Variants in MSANTD2 observed in about 807,000 individuals in gnomAD.
The protein encoded by MSANTD2 is myb/SANT-like DNA-binding domain-containing protein 2.
Under a neutral mutation model 52.6 loss-of-function variants are expected in MSANTD2, and 19 were observed. That is an observed-to-expected ratio of 0.36 (90% CI 0.25 to 0.53). The LOEUF is 0.53. Among genes scored for constraint, MSANTD2 ranks in the 20% least tolerant of loss-of-function variants. The pLI, the probability that MSANTD2 is intolerant of heterozygous loss-of-function variation, is 0.91. For missense variants in MSANTD2, 558 were observed against 716.3 expected, an observed-to-expected ratio of 0.78 and a Z score of 2.52; for synonymous variants, 291 against 289.7, an observed-to-expected ratio of 1.00 and a Z score of -0.04.
chr11:124,787,367 G>A (rs7930110), intron 1 of MSANTD2, among the ~76,000 whole-genome samples: 5,255 of 152,232 alleles, frequency 0.035, 316 homozygotes, highest in African/African-American at 0.12. Flanking sequence ...ATCATTAAAC[G>A]AATGCCAACT....
chr11:124,798,983 A>G (rs1945587453), intron 1 of MSANTD2, among the ~76,000 whole-genome samples: 2 of 152,236 alleles, frequency 1.3e-5, no homozygotes, highest in South Asian at 4.1e-4. Flanking sequence ...GCCTAGAGTC[A>G]GTTCTAGTAG....
chr11:124,792,094 TC>T (rs1237412141), intron 1 of MSANTD2: 1 of 153,820 alleles, frequency 6.5e-6, no homozygotes, highest in African/African-American at 2.4e-5. Flanking sequence ...TATTTCTTCT[TC>T]CTGTGAGTTG....
chr11:124,799,298 T>G (rs112415761), intron 1 of MSANTD2, among the ~76,000 whole-genome samples: 3 of 152,350 alleles, frequency 2.0e-5, no homozygotes, highest in African/African-American at 7.2e-5. Flanking sequence ...ATCAAGCCTT[T>G]CCAATTCTCC....
intron 1 of MSANTD2, among the ~76,000 whole-genome samples, chr11:124,781,869 T>A (rs1591459625): frequency 6.6e-6 from 1 of 152,058 alleles, no homozygotes; most frequent in Non-Finnish European, 1.5e-5. Flanking sequence ...GCCAGGCTGG[T>A]CTCAAACTCC....
chr11:124,799,879 G>A lies in MSANTD2; in HGVS notation c.502C>T (p.Arg168Cys). The A allele has an allele frequency of 1.3e-6, 2 of 1,577,914 alleles. No homozygotes were observed. Among genetic ancestry groups the A allele is most frequent in the Non-Finnish European group, 1.7e-6 (2 of 1,170,498 alleles). Residue 168 changes from arginine to cysteine, a missense_variant, in exon 1 of 4, where the codon CGC becomes TGC. This residue lies in a region of MSANTD2 where 408 missense variants were observed against 573.6 expected (regional missense o/e 0.71). Coordinates refer to ENST00000374979, the MANE Select transcript of MSANTD2 (RefSeq NM_001308027.2). ...YERTPSQCRE[R>C]IKTLRRCYSR... Reference sequence around the variant, plus strand: ...GCCGGGCGGCCGGTTACCTTGATGCGCTCCCGGCACTGGGACGGGGTCCGC... The same window carrying A: ...GCCGGGCGGCCGGTTACCTTGATGCACTCCCGGCACTGGGACGGGGTCCGC...
intron 1 of MSANTD2, among the ~76,000 whole-genome samples, chr11:124,797,290 G>T (rs1397606728): frequency 6.6e-6 from 1 of 152,156 alleles, no homozygotes; most frequent in Non-Finnish European, 1.5e-5. Flanking sequence ...TTTGAGACCA[G>T]TCTAGGCAAC....
chr11:124,788,834 A>G (rs1244200429), intron 1 of MSANTD2, among the ~76,000 whole-genome samples: 1 of 152,260 alleles, frequency 6.6e-6, no homozygotes, highest in African/African-American at 2.4e-5. Context: ...TAACAATAGC[A>G]AATGAATTTC....
At chr11:124,789,766 G>A (rs967738117) in intron 1 of MSANTD2, 22 of 152,282 alleles carry the variant, frequency 1.4e-4, no homozygotes, top group African/African-American at 5.1e-4. Context: ...GGAGGGGAGG[G>A]GAACTCTGCA....
In MSANTD2 at chr11:124,798,252, AAAAAAAAAT is replaced by A. The variant is rs1408166448; in HGVS notation, c.510+1610_510+1618del. Among the ~76,000 whole-genome samples the A allele has an allele frequency of 9.4e-4, 119 of 126,386 alleles. 2 individuals are homozygous for A. Among genetic ancestry groups the A allele is most frequent in the African/African-American group, 3.1e-3 (108 of 35,230 alleles). 82.9% of individuals were successfully genotyped at this position (126,386 alleles called of 152,430 possible). On this transcript the variant is annotated intron_variant, in intron 1 of 3. Coordinates refer to ENST00000374979, the MANE Select transcript of MSANTD2 (RefSeq NM_001308027.2). The stretch of plus-strand genomic sequence containing the variant: ...TGTCTCTTAAAAAAAAAAAAAAAAA[AAAAAAAAAT>A]TTAATGAGCCAGGTGTGGTGGGGCA...
At position 124,800,111 on chromosome 11, in the gene MSANTD2, C is replaced by CCCGCCACCG. The variant is rs775526671; in HGVS notation, c.261_269dup (p.Gly88_Gly90dup). ...AGGCGGCGGCGGCGGCTGCCGCAGC[C>CCCGCCACCG]CCGCCACCGCCGCCACCAGGGGAGA... On this transcript the variant is annotated inframe_insertion, in exon 1 of 4. Transcript: ENST00000374979. This position sits in a 1 kb window ranked among gnomAD's most constrained non-coding sequence, Gnocchi z 4.3. 1 of 1,483,108 alleles carries CCCGCCACCG rather than the reference C, an allele frequency of 6.7e-7. No individual in the cohort carries two copies. Among genetic ancestry groups the CCCGCCACCG allele is most frequent in the South Asian group, 1.3e-5 (1 of 78,062 alleles). The allele number at this position is 1,483,108 out of a possible 1,614,324, so 91.9% of individuals were successfully genotyped here.
At chr11:124,799,765 G>A (rs961796403) in intron 1 of MSANTD2, 106 bp downstream of exon 1, 3 of 751,690 alleles carry the variant, frequency 4.0e-6, no homozygotes, top group Non-Finnish European at 2.0e-6. Context: ...CGCCCACCGG[G>A]CCCCGGAGGA....
intron 3 of MSANTD2, among the ~76,000 whole-genome samples, chr11:124,771,489 GC>G (rs1944518323): frequency 6.6e-6 from 1 of 152,186 alleles, no homozygotes; most frequent in African/African-American, 2.4e-5. Flanking sequence ...AACTAATGTG[GC>G]CGGACACTGT....
intron 1 of MSANTD2, among the ~76,000 whole-genome samples, chr11:124,781,552 AG>A (rs1182808089): frequency 2.0e-5 from 3 of 152,216 alleles, no homozygotes; most frequent in African/African-American, 7.2e-5. Flanking sequence ...AGGGTCTCAC[AG>A]GAATAGGCAA....
At chr11:124,783,663 T>C (rs1945061468) in intron 1 of MSANTD2, 1 of 901,824 alleles carries the variant, frequency 1.1e-6, no homozygotes, top group East Asian at 1.2e-4. Context: ...AACAAAACTT[T>C]AAAAAAATAT....
chr11:124,799,881 T>C lies in MSANTD2; in HGVS notation c.500A>G (p.Glu167Gly). ...CGGGCGGCCGGTTACCTTGATGCGC[T>C]CCCGGCACTGGGACGGGGTCCGCTC... Reference protein sequence around the residue: ...GYERTPSQCRERIKTLRRCYS... With the variant: ...GYERTPSQCRGRIKTLRRCYS... The change falls in exon 1 of 4, where the codon GAG becomes GGG. Residue 167 changes from glutamate (E) to glycine (G), a missense_variant. Coordinates refer to ENST00000374979, the MANE Select transcript of MSANTD2 (RefSeq NM_001308027.2). 1 of 1,579,098 alleles carries C rather than the reference T, an allele frequency of 6.3e-7. No individual in the cohort carries two copies. The highest frequency in any genetic ancestry group is 1.4e-5 in the African/African-American group (1 of 72,652).
rs1944894932 is a variant in MSANTD2 at position 124,779,961 on chromosome 11, A to C, written c.511-4987T>G. ...AGACTAAAGCAGATTTGTATTTTGA[A>C]GCAAGATCTTTGCAAAATAGATCTT... On this transcript the variant is annotated intron_variant, in intron 1 of 3. Transcript: ENST00000374979. This position sits in a 1 kb window ranked among gnomAD's most constrained non-coding sequence, Gnocchi z 4.6. Among the ~76,000 whole-genome samples the C allele has an allele frequency of 6.6e-6, 1 of 152,246 alleles. No homozygotes were observed. The highest frequency in any genetic ancestry group is 2.1e-4 in the South Asian group (1 of 4,832).
Position 124,766,935 on chromosome 11 carries a change from T to G in MSANTD2, c.*241A>C, listed in dbSNP as rs147135582. 9.8e-4 allele frequency: 377 copies of G among 384,056 alleles called. 2 individuals are homozygous for G. The highest frequency in any genetic ancestry group is 6.3e-3 in the African/African-American group (306 of 48,404). 23.8% of individuals were successfully genotyped at this position (384,056 alleles called of 1,614,324 possible). A position where few individuals can be genotyped will look rare whatever the true frequency, so the allele number is the denominator to read the frequency against. On this transcript the variant is annotated 3_prime_UTR_variant, in exon 4 of 4. Transcript: ENST00000374979. ...TGTTTTTCTGTTTTTAAAAAAGAAA[T>G]AGCTGACCCACCATGCAAGTTCGCT...
intron 3 of MSANTD2, among the ~76,000 whole-genome samples, chr11:124,769,159 C>T (rs544576527): frequency 2.0e-5 from 3 of 152,276 alleles, no homozygotes; most frequent in South Asian, 2.1e-4. Flanking sequence ...CGTTCTCATA[C>T]CTTCTAGGGG....
intron 1 of MSANTD2, chr11:124,789,921 CA>C (rs991826600): frequency 6.6e-6 from 1 of 152,224 alleles, no homozygotes; most frequent in African/African-American, 2.4e-5. Flanking sequence ...ACATCAGAAA[CA>C]GAATTAAATA....
Sources: allele counts gnomAD v4.1 joint callset (sites outside exome capture counted in the v4.1 genomes callset), GRCh38; gene constraint gnomAD v4.1.1; regional missense constraint gnomAD v4.1.1; non-coding constraint Gnocchi (gnomAD v3.1); transcripts MANE v1.5; gene names NCBI Gene and HGNC (gene_info 2026-07-23, HGNC 2026-07-21).